SEMA3A: variants seen among roughly 807,000 people sequenced by gnomAD.
The protein encoded by SEMA3A is semaphorin-3A.
A neutral mutation model predicts 97.9 loss-of-function variants in SEMA3A; 29 were observed. The ratio of observed to expected loss-of-function variants is 0.30; its 90% CI spans 0.22 to 0.40. The LOEUF is 0.40. SEMA3A is among the 10% of genes least tolerant of loss of function. SEMA3A has a pLI of 1.00. For synonymous variants in SEMA3A, 321 were observed against 323.7 expected, an observed-to-expected ratio of 0.99 and a Z score of 0.09; for missense variants, 763 against 951.3, an observed-to-expected ratio of 0.80 and a Z score of 2.60.
chr7:84,399,139 G>A (rs1803828062), intron 1 of SEMA3A, among the ~76,000 whole-genome samples: 1 of 152,140 alleles, frequency 6.6e-6, no homozygotes, highest in South Asian at 2.1e-4. Context: ...AAAGCACGGT[G>A]AGTGTGGGAT....
At chr7:84,435,757 T>C (rs1428667595) in intron 1 of SEMA3A, among the ~76,000 whole-genome samples, 1 of 152,094 alleles carries the variant, frequency 6.6e-6, no homozygotes, top group African/African-American at 2.4e-5. Flanking sequence ...CCCAAAGCAA[T>C]CTACAGATTC....
chr7:83,965,231 G>A (rs147917172), intron 15 of SEMA3A, among the ~76,000 whole-genome samples: 33 of 151,878 alleles, frequency 2.2e-4, no homozygotes, highest in African/African-American at 6.8e-4. Flanking sequence ...GAGCCACCGC[G>A]TCCGGCCCGT....
chr7:84,377,769 T>C (rs1803144288), intron 1 of SEMA3A, among the ~76,000 whole-genome samples: 1 of 152,126 alleles, frequency 6.6e-6, no homozygotes, highest in Non-Finnish European at 1.5e-5. Context: ...GAGAAATAAT[T>C]TTTTATATGG....
At chr7:84,157,551 G>T (rs1796882585) in intron 1 of SEMA3A, among the ~76,000 whole-genome samples, 1 of 152,158 alleles carries the variant, frequency 6.6e-6, no homozygotes, top group African/African-American at 2.4e-5. Context: ...TATCTACTTT[G>T]TTTGCATATG....
intron 11 of SEMA3A, among the ~76,000 whole-genome samples, chr7:84,002,977 C>A (rs1790521632): frequency 6.6e-6 from 1 of 152,050 alleles, no homozygotes; most frequent in South Asian, 2.1e-4. Context: ...TTATTAAATT[C>A]AAAACTTTTA....
At chr7:84,036,194 C>T (rs1245561311) in intron 6 of SEMA3A, among the ~76,000 whole-genome samples, 1 of 151,944 alleles carries the variant, frequency 6.6e-6, no homozygotes, top group African/African-American at 2.4e-5. Flanking sequence ...TAACTCCTCC[C>T]TTACTCTATG....
intron 4 of SEMA3A, among the ~76,000 whole-genome samples, chr7:84,061,323 T>A (rs564001406): frequency 6.6e-6 from 1 of 152,308 alleles, no homozygotes; most frequent in Middle Eastern, 3.4e-3. Context: ...CAAGGTAGAA[T>A]ATGTGCAGGA....
chr7:84,242,582 G>A (rs932726217), intron 3 of SEMA3A, among the ~76,000 whole-genome samples: 1 of 152,086 alleles, frequency 6.6e-6, no homozygotes, highest in African/African-American at 2.4e-5. Flanking sequence ...GAGACAATTT[G>A]ACTTCCTCTC....
chr7:84,062,720 A>C (rs2115698465), intron 4 of SEMA3A, among the ~76,000 whole-genome samples: 1 of 152,298 alleles, frequency 6.6e-6, no homozygotes, highest in African/African-American at 2.4e-5. Flanking sequence ...GCGGGCTTAA[A>C]AAACGGCGCA....
chr7:84,224,830 A>G (rs934059372), intron 3 of SEMA3A, among the ~76,000 whole-genome samples: 4 of 152,034 alleles, frequency 2.6e-5, no homozygotes, highest in African/African-American at 9.7e-5. Context: ...GTAACTCTAC[A>G]TAGAAGTTAA....
chr7:83,973,166 C>T lies in SEMA3A; in HGVS notation c.1717+3966G>A, dbSNP rs146569871. 1.0e-3 allele frequency among the ~76,000 whole-genome samples: 157 copies of T among 152,146 alleles called. 1 individual carries two copies. The highest frequency in any genetic ancestry group is 3.4e-3 in the African/African-American group (142 of 41,532). ...GTCCGAAATTTGGGTCCATTCTGTT[C>T]GTGTGAATTCGGAAAGTAAATCTTC... On this transcript the variant is annotated intron_variant, in intron 15 of 16. Transcript: ENST00000265362.
intron 3 of SEMA3A, among the ~76,000 whole-genome samples, chr7:84,280,770 C>T (rs377622726): frequency 2.6e-5 from 4 of 152,042 alleles, no homozygotes; most frequent in East Asian, 3.9e-4. Flanking sequence ...CAAAGTGAGA[C>T]TCGGTGTCAA....
chr7:84,056,687 A>T (rs1008056040), intron 5 of SEMA3A, among the ~76,000 whole-genome samples: 1 of 152,122 alleles, frequency 6.6e-6, no homozygotes, highest in Non-Finnish European at 1.5e-5. Flanking sequence ...AAAATTTTAC[A>T]CTATTATATT....
chr7:84,182,289 A>G (rs1457594253), intron 1 of SEMA3A, among the ~76,000 whole-genome samples: 1 of 152,172 alleles, frequency 6.6e-6, no homozygotes, highest in Non-Finnish European at 1.5e-5. Context: ...TGTGGATTCA[A>G]TACTCCTTAA....
intron 1 of SEMA3A, among the ~76,000 whole-genome samples, chr7:84,483,024 A>G (rs2116437453): frequency 6.6e-6 from 1 of 152,310 alleles, no homozygotes; most frequent in Middle Eastern, 3.4e-3. Context: ...GCAGAAATAC[A>G]TAAAATGTTT....
At chr7:84,220,240 T>C (rs1029048353) in intron 3 of SEMA3A, among the ~76,000 whole-genome samples, 3 of 152,294 alleles carry the variant, frequency 2.0e-5, no homozygotes, top group Admixed American at 6.5e-5. Flanking sequence ...AGTTTCATTA[T>C]GAGATTGCAG....
At chr7:83,998,541 C>G (rs1028482971) in intron 12 of SEMA3A, among the ~76,000 whole-genome samples, 17 of 152,104 alleles carry the variant, frequency 1.1e-4, no homozygotes, top group Non-Finnish European at 2.1e-4. Flanking sequence ...CTACTGCAGA[C>G]TTTATAGTCG....
intron 12 of SEMA3A, among the ~76,000 whole-genome samples, chr7:83,992,183 T>G (rs1789979182): frequency 6.6e-6 from 1 of 151,656 alleles, no homozygotes; most frequent in Non-Finnish European, 1.5e-5. Context: ...TTATCATTTT[T>G]TATTGTGTCT....
intron 1 of SEMA3A, among the ~76,000 whole-genome samples, chr7:84,150,710 G>T (rs866427866): frequency 1.3e-4 from 20 of 152,116 alleles, no homozygotes; most frequent in East Asian, 5.8e-4. Flanking sequence ...CAAAGCAGCT[G>T]GGAAGCTGGA....
Sources: allele counts gnomAD v4.1 joint callset (sites outside exome capture counted in the v4.1 genomes callset), GRCh38; gene constraint gnomAD v4.1.1; transcripts MANE v1.5; gene names NCBI Gene and HGNC (gene_info 2026-07-23, HGNC 2026-07-21).